Variants in SLCO3A1 observed in about 807,000 individuals in gnomAD.
SLCO3A1 encodes the protein solute carrier organic anion transporter family member 3A1.
SLCO3A1 carries 27 observed loss-of-function variants against 63.1 expected under a neutral mutation model. The observed-to-expected ratio is 0.43, with a 90% CI of 0.32 to 0.59. The LOEUF (loss-of-function observed/expected upper bound fraction) is 0.59. Ranked by LOEUF, SLCO3A1 falls within the 20% of genes least tolerant of loss-of-function variation. The pLI, the probability that SLCO3A1 is intolerant of heterozygous loss-of-function variation, is 0.09. For missense variants in SLCO3A1, 773 were observed against 945.8 expected (o/e 0.82, Z 2.40); for synonymous variants, 473 against 409.9 (o/e 1.15, Z -1.86).
intron 7 of SLCO3A1, among the ~76,000 whole-genome samples, chr15:92,143,089 T>C (rs1276119055): frequency 6.6e-6 from 1 of 151,142 alleles, no homozygotes; most frequent in African/African-American, 2.4e-5. Context: ...CTCAGGAATG[T>C]GATATGGGGG....
chr15:92,093,054 C>T (rs777451149), intron 2 of SLCO3A1, among the ~76,000 whole-genome samples: 18 of 152,216 alleles, frequency 1.2e-4, no homozygotes, highest in Non-Finnish European at 2.1e-4. Context: ...TTTCCTTCAT[C>T]AGACATCTCC....
intron 2 of SLCO3A1, among the ~76,000 whole-genome samples, chr15:92,070,205 C>T (rs953493723): frequency 3.3e-5 from 5 of 152,178 alleles, no homozygotes; most frequent in South Asian, 2.1e-4. Context: ...GATGGCACCT[C>T]GTACCATTGT....
intron 2 of SLCO3A1, among the ~76,000 whole-genome samples, chr15:91,933,999 T>G (rs1000789234): frequency 2.0e-5 from 3 of 152,162 alleles, no homozygotes; most frequent in Non-Finnish European, 2.9e-5. Context: ...TTCTTGCAGC[T>G]TAGTGTTGAG....
chr15:92,001,644 G>C (rs752593445), intron 2 of SLCO3A1, among the ~76,000 whole-genome samples: 1 of 152,152 alleles, frequency 6.6e-6, no homozygotes, highest in African/African-American at 2.4e-5. Context: ...TGCATGAAAA[G>C]ATATAAAACA....
downstream of SLCO3A1, among the ~76,000 whole-genome samples, chr15:92,167,980 T>G (rs1168312389): frequency 6.6e-6 from 1 of 152,230 alleles, no homozygotes; most frequent in Non-Finnish European, 1.5e-5. Flanking sequence ...GTTTGATATA[T>G]TCAAAACATG....
intron 1 of SLCO3A1, among the ~76,000 whole-genome samples, chr15:91,873,568 A>G: frequency 6.9e-6 from 1 of 144,842 alleles, no homozygotes; most frequent in South Asian, 2.1e-4. Context: ...ACACACACAT[A>G]CATACATACA....
At chr15:91,966,954 TGGA>T (rs1416092346) in intron 2 of SLCO3A1, among the ~76,000 whole-genome samples, 1 of 152,138 alleles carries the variant, frequency 6.6e-6, no homozygotes, top group Admixed American at 6.5e-5. Flanking sequence ...GCTTTGGTCA[TGGA>T]GGAGAAGACA....
At chr15:91,997,690 C>T (rs932298960) in intron 2 of SLCO3A1, among the ~76,000 whole-genome samples, 1 of 152,076 alleles carries the variant, frequency 6.6e-6, no homozygotes, top group Admixed American at 6.5e-5. Context: ...GAATAGAGAA[C>T]CAATAAATAA....
At chr15:92,028,444 A>G (rs147429679) in intron 2 of SLCO3A1, among the ~76,000 whole-genome samples, 32 of 152,260 alleles carry the variant, frequency 2.1e-4, no homozygotes, top group African/African-American at 7.0e-4. Flanking sequence ...TATTTTTTCT[A>G]CAGATGTTTA....
intron 2 of SLCO3A1, among the ~76,000 whole-genome samples, chr15:91,953,034 C>G (rs1452554637): frequency 6.6e-6 from 1 of 152,150 alleles, no homozygotes; most frequent in Non-Finnish European, 1.5e-5. Context: ...AGTAGATAGG[C>G]ATCAACCTCA....
chr15:92,110,247 T>G (rs926937579), intron 4 of SLCO3A1, among the ~76,000 whole-genome samples: 4 of 152,136 alleles, frequency 2.6e-5, no homozygotes, highest in Admixed American at 6.5e-5. Context: ...CAAGTCTCTC[T>G]CCAGCCTGCC....
At chr15:92,029,470 A>G (rs750996392) in intron 2 of SLCO3A1, among the ~76,000 whole-genome samples, 2 of 152,194 alleles carry the variant, frequency 1.3e-5, no homozygotes, top group African/African-American at 4.8e-5. Flanking sequence ...TCTTTTACCT[A>G]CTTAAACGTA....
At chr15:92,093,444 G>C (rs2047501243) in intron 2 of SLCO3A1, among the ~76,000 whole-genome samples, 1 of 152,196 alleles carries the variant, frequency 6.6e-6, no homozygotes, top group Non-Finnish European at 1.5e-5. Context: ...CTGCCCCCAT[G>C]ATCTAATACC....
intron 9 of SLCO3A1, 22 bp from the exon 10 acceptor site, chr15:92,162,734 A>AACATTCTTTT: frequency 6.3e-7 from 1 of 1,596,232 alleles, no homozygotes; most frequent in African/African-American, 1.3e-5. Context: ...CCAGAACCTT[A>AACATTCTTTT]ACATTCTTTT....
chr15:91,954,453 A>AC lies in SLCO3A1; in HGVS notation c.646+37995_646+37996insC, dbSNP rs1900102716. 6.6e-6 allele frequency among the ~76,000 whole-genome samples: 1 copy of AC among 152,164 alleles called. No individual in the cohort carries two copies. The highest frequency in any genetic ancestry group is 6.5e-5 in the Admixed American group (1 of 15,284). ...CCTCTGCAGTTTCCAGGGGCCCAAC[A>AC]TTCAATAAATTGTTGCAGAAGCAAA... On this transcript the variant is annotated intron_variant, in intron 2 of 9. Coordinates refer to ENST00000318445, the MANE Select transcript of SLCO3A1 (RefSeq NM_013272.4). This position sits in a 1 kb window ranked among gnomAD's most constrained non-coding sequence, Gnocchi z 4.7.
At chr15:91,933,065 A>C (rs1899290742) in intron 2 of SLCO3A1, among the ~76,000 whole-genome samples, 1 of 152,192 alleles carries the variant, frequency 6.6e-6, no homozygotes, top group Admixed American at 6.5e-5. Flanking sequence ...AAAGGAGGAA[A>C]AATCCTCCCC....
chr15:91,962,171 G>C (rs1301478027), intron 2 of SLCO3A1, among the ~76,000 whole-genome samples: 4 of 152,118 alleles, frequency 2.6e-5, no homozygotes, highest in Admixed American at 2.0e-4. Flanking sequence ...GCAGTGACTA[G>C]AGTGGACATT....
intron 2 of SLCO3A1, among the ~76,000 whole-genome samples, chr15:92,030,256 T>C (rs989164260): frequency 6.6e-6 from 1 of 152,212 alleles, no homozygotes. Context: ...TTTCATGGCC[T>C]TGAGATTATG....
At chr15:91,923,441 C>T (rs1320130048) in intron 2 of SLCO3A1, among the ~76,000 whole-genome samples, 1 of 152,192 alleles carries the variant, frequency 6.6e-6, no homozygotes, top group Non-Finnish European at 1.5e-5. Context: ...TGAAGACCCC[C>T]TCCAGTGGCT....
Sources: gnomAD v4.1 joint callset for allele counts (sites outside exome capture counted in the v4.1 genomes callset) on GRCh38, gnomAD v4.1.1 for gene constraint, Gnocchi (gnomAD v3.1) non-coding constraint, MANE v1.5 for transcripts, NCBI Gene and HGNC (gene_info 2026-07-23, HGNC 2026-07-21) for gene names.